SLC7A2: variants seen among roughly 807,000 people sequenced by gnomAD.
The protein encoded by SLC7A2 is solute carrier family 7 member 2, also known as cationic amino acid transporter 2.
In SLC7A2, 48 loss-of-function variants were observed where a neutral mutation model predicts 58.9. The ratio of observed to expected loss-of-function variants is 0.82; its 90% CI spans 0.65 to 1.04. The LOEUF (loss-of-function observed/expected upper bound fraction) is 1.04, where lower values mean the gene tolerates loss of function less well. SLC7A2 is among the 50% of genes least tolerant of loss of function. The pLI, the probability that SLC7A2 is intolerant of heterozygous loss-of-function variation, is 0.00. For missense variants in SLC7A2, 1,029 were observed against 818.8 expected, an observed-to-expected ratio of 1.26 and a Z score of -3.13; for synonymous variants, 363 against 314.5, an observed-to-expected ratio of 1.15 and a Z score of -1.63.
At chr8:17,550,211 C>T (rs1392183230) in intron 5 of SLC7A2, 90 bp from the exon 6 acceptor site, 5 of 1,228,396 alleles carry the variant, frequency 4.1e-6, no homozygotes, top group Non-Finnish European at 5.8e-6. Flanking sequence ...ATAAACACAA[C>T]CACCTTCCAA....
At chr8:17,552,029 A>G in intron 7 of SLC7A2, 43 bp downstream of exon 7, 1 of 1,524,272 alleles carries the variant, frequency 6.6e-7, no homozygotes. Flanking sequence ...TTGGGACTCT[A>G]CAAAGTAGTC....
At chr8:17,512,036 G>T (rs1421212525) in intron 2 of SLC7A2, among the ~76,000 whole-genome samples, 1 of 152,150 alleles carries the variant, frequency 6.6e-6, no homozygotes, top group East Asian at 1.9e-4. Flanking sequence ...AGACATAGTT[G>T]TTCAGTGGCT....
At position 17,548,575 on chromosome 8, in the gene SLC7A2, A is replaced by G. The variant is rs570455117; in HGVS notation, c.533-103A>G. On this transcript the variant is annotated intron_variant, in intron 4 of 12. Coordinates refer to ENST00000494857, the MANE Select transcript of SLC7A2 (RefSeq NM_001370338.1). ...AGAGGTAGATAGATGGAAATTAAAG[A>G]CATGAATGCTGGTGAAATAATATCC... 432 of 784,242 alleles carry G rather than the reference A, an allele frequency of 5.5e-4. 2 individuals are homozygous for G. The highest frequency in any genetic ancestry group is 8.9e-4 in the Admixed American group (37 of 41,390). 48.6% of individuals were successfully genotyped at this position (784,242 alleles called of 1,614,324 possible). A position where few individuals can be genotyped will look rare whatever the true frequency, so the allele number is the denominator to read the frequency against.
chr8:17,515,761 A>G lies in SLC7A2; in HGVS notation c.-23+13459A>G, dbSNP rs28721378. ...CCACAAAATAAAAATCCTATCATTA[A>G]ATCTTAGAATCTGAGTTGGCAGATA... On this transcript the variant is annotated intron_variant, in intron 2 of 12. Coordinates refer to ENST00000494857, the MANE Select transcript of SLC7A2 (RefSeq NM_001370338.1). Among the ~76,000 whole-genome samples the G allele has an allele frequency of 9.3e-3, 1,421 of 152,234 alleles. 29 individuals carry two copies. Among genetic ancestry groups the G allele is most frequent in the African/African-American group, 0.032 (1,333 of 41,486 alleles).
chr8:17,557,520 A>T (rs904776670), intron 8 of SLC7A2, among the ~76,000 whole-genome samples: 1 of 152,152 alleles, frequency 6.6e-6, no homozygotes, highest in Non-Finnish European at 1.5e-5. Context: ...ACTTTATTTT[A>T]TCAGAATTAC....
chr8:17,554,950 C>G, intron 8 of SLC7A2: 5 of 1,613,890 alleles, frequency 3.1e-6, no homozygotes, highest in Non-Finnish European at 4.2e-6. Flanking sequence ...TTCTAGTCTT[C>G]TGGGCTCTAT....
At chr8:17,506,383 A>C (rs910343906) in intron 2 of SLC7A2, among the ~76,000 whole-genome samples, 1 of 152,220 alleles carries the variant, frequency 6.6e-6, no homozygotes, top group Non-Finnish European at 1.5e-5. Flanking sequence ...TTATATCACT[A>C]TAAAAATGGT....
chr8:17,529,232 T>A (rs1215621937), intron 2 of SLC7A2, among the ~76,000 whole-genome samples: 1 of 152,230 alleles, frequency 6.6e-6, no homozygotes, highest in African/African-American at 2.4e-5. Flanking sequence ...GCAATCACAG[T>A]AATTGTCCTT....
chr8:17,523,536 G>T (rs1801101025), intron 2 of SLC7A2, among the ~76,000 whole-genome samples: 1 of 152,128 alleles, frequency 6.6e-6, no homozygotes, highest in African/African-American at 2.4e-5. Context: ...TCAGCAAATG[G>T]TGATGGGATT....
intron 10 of SLC7A2, 130 bp downstream of exon 10, chr8:17,560,663 A>T (rs1352473289): frequency 2.8e-6 from 2 of 710,682 alleles, no homozygotes; most frequent in African/African-American, 3.5e-5. Context: ...TGAAATTTTC[A>T]CCTAAAGCAT....
intron 1 of SLC7A2, among the ~76,000 whole-genome samples, chr8:17,501,638 G>A (rs1018859990): frequency 6.6e-6 from 1 of 152,062 alleles, no homozygotes; most frequent in Admixed American, 6.6e-5. Context: ...ACTGAATCAT[G>A]AAGCTGGAGC....
chr8:17,550,185 C>A, intron 5 of SLC7A2, 116 bp from the exon 6 acceptor site: 1 of 918,354 alleles, frequency 1.1e-6, no homozygotes, highest in Non-Finnish European at 1.7e-6. Context: ...TTATGTATAT[C>A]ATCTTCAAAG....
At chr8:17,550,524 A>G (rs1802399890) in intron 6 of SLC7A2, 90 bp downstream of exon 6, 2 of 1,298,272 alleles carry the variant, frequency 1.5e-6, no homozygotes, top group African/African-American at 1.5e-5. Context: ...CAGGAAAGAG[A>G]GAGGGATTTC....
chr8:17,545,745 C>A (rs1046213320), intron 4 of SLC7A2, among the ~76,000 whole-genome samples: 3 of 152,058 alleles, frequency 2.0e-5, no homozygotes, highest in African/African-American at 7.2e-5. Context: ...CTGCTTATGT[C>A]CATCAAGGAT....
intron 9 of SLC7A2, 34 bp from the exon 10 acceptor site, chr8:17,560,294 G>C: frequency 1.3e-6 from 2 of 1,542,634 alleles, no homozygotes; most frequent in Non-Finnish European, 1.8e-6. Context: ...ATGTCTATTT[G>C]AGAATAAAGA....
intron 2 of SLC7A2, among the ~76,000 whole-genome samples, chr8:17,526,391 A>G (rs915581865): frequency 2.0e-5 from 3 of 152,182 alleles, no homozygotes; most frequent in Admixed American, 2.0e-4. Flanking sequence ...CTAAATCTCT[A>G]TTTTGCTTTT....
chr8:17,551,737 A>G, intron 6 of SLC7A2, 27 bp from the exon 7 acceptor site: 5 of 1,508,666 alleles, frequency 3.3e-6, no homozygotes, highest in Non-Finnish European at 4.6e-6. Context: ...TATTAAGCAT[A>G]CACATCTTTT....
At chr8:17,555,167 C>T in intron 8 of SLC7A2, 3 of 1,295,066 alleles carry the variant, frequency 2.3e-6, no homozygotes, top group East Asian at 4.8e-5. Flanking sequence ...GGTCTGCATG[C>T]TGTGCATGTA....
At chr8:17,542,704 C>A (rs565842593) in intron 2 of SLC7A2, among the ~76,000 whole-genome samples, 1 of 151,522 alleles carries the variant, frequency 6.6e-6, no homozygotes, top group African/African-American at 2.4e-5. Context: ...TAAAGAGAGA[C>A]AGAACCCAAA....
Sources: allele counts gnomAD v4.1 joint callset (sites outside exome capture counted in the v4.1 genomes callset), GRCh38; gene constraint gnomAD v4.1.1; transcripts MANE v1.5; gene names NCBI Gene and HGNC (gene_info 2026-07-23, HGNC 2026-07-21).